The following DROSHA variants were observed in gnomAD, a reference collection of about 807,000 sequenced individuals.
The protein encoded by DROSHA is ribonuclease 3.
In DROSHA, 56 loss-of-function variants were observed where a neutral mutation model predicts 181.9. That is an observed-to-expected ratio of 0.31 (90% confidence interval 0.25 to 0.38). The LOEUF (loss-of-function observed/expected upper bound fraction) is 0.38. Among genes scored for constraint, DROSHA ranks in the 10% least tolerant of loss-of-function variants. The probability of loss-of-function intolerance (pLI) is 1.00; values close to 1 mark genes in which losing one functional copy is unlikely to be tolerated. For missense variants in DROSHA, 1,218 were observed against 1,743.5 expected, an observed-to-expected ratio of 0.70 and a Z score of 5.37; for synonymous variants, 524 against 591.2, an observed-to-expected ratio of 0.89 and a Z score of 1.65.
chr5:31,500,039 C>G (rs1209146365), intron 11 of DROSHA, among the ~76,000 whole-genome samples: 3 of 152,154 alleles, frequency 2.0e-5, no homozygotes, highest in Non-Finnish European at 4.4e-5. Context: ...TGTTTTGACT[C>G]CCCAGATTCC....
At chr5:31,431,555 C>T in intron 26 of DROSHA, 21 bp downstream of exon 26, 2 of 1,612,016 alleles carry the variant, frequency 1.2e-6, no homozygotes, top group Non-Finnish European at 1.7e-6. Context: ...AAGTAGACTT[C>T]TTGAAGAAGA....
intron 26 of DROSHA, among the ~76,000 whole-genome samples, chr5:31,429,944 A>C: frequency 6.6e-6 from 1 of 152,218 alleles, no homozygotes; most frequent in East Asian, 1.9e-4. Flanking sequence ...CTAAGGAAAA[A>C]AAAACCTGAT....
chr5:31,454,671 T>C (rs1046767224), intron 20 of DROSHA, among the ~76,000 whole-genome samples: 1 of 152,058 alleles, frequency 6.6e-6, no homozygotes, highest in African/African-American at 2.4e-5. Flanking sequence ...CCCGGCACAG[T>C]GGTTCACACC....
chr5:31,420,079 T>C (rs1028588365), intron 30 of DROSHA, among the ~76,000 whole-genome samples: 34 of 152,224 alleles, frequency 2.2e-4, no homozygotes, highest in South Asian at 1.0e-3. Context: ...CACTGAAAAA[T>C]GACATCTAAA....
At chr5:31,477,801 T>C (rs562265937) in intron 16 of DROSHA, among the ~76,000 whole-genome samples, 3 of 152,350 alleles carry the variant, frequency 2.0e-5, no homozygotes, top group Non-Finnish European at 2.9e-5. Context: ...ATCAACTATT[T>C]TGCGACCAAA....
chr5:31,417,375 G>A (rs1444163793), intron 30 of DROSHA, among the ~76,000 whole-genome samples: 1 of 152,152 alleles, frequency 6.6e-6, no homozygotes, highest in Non-Finnish European at 1.5e-5. Context: ...TCTTGAGATG[G>A]GAAGGTTTGG....
chr5:31,473,813 G>A (rs1264072138), intron 16 of DROSHA, among the ~76,000 whole-genome samples: 2 of 152,248 alleles, frequency 1.3e-5, no homozygotes, highest in African/African-American at 4.8e-5. Context: ...TGGAACTGTT[G>A]TGCCTAGGAA....
At chr5:31,510,477 G>A (rs772454477) in intron 9 of DROSHA, among the ~76,000 whole-genome samples, 2 of 152,226 alleles carry the variant, frequency 1.3e-5, no homozygotes, top group Non-Finnish European at 2.9e-5. Flanking sequence ...TCTGTGCATG[G>A]CATTCTGTTA....
chr5:31,413,657 C>T (rs959290323), intron 30 of DROSHA, among the ~76,000 whole-genome samples: 6 of 152,202 alleles, frequency 3.9e-5, no homozygotes, highest in African/African-American at 7.2e-5. Flanking sequence ...ACACCCTCCT[C>T]AGAAGCCACG....
chr5:31,426,178 T>C (rs1345023220), intron 27 of DROSHA, among the ~76,000 whole-genome samples: 6 of 151,980 alleles, frequency 3.9e-5, no homozygotes, highest in Non-Finnish European at 7.4e-5. Context: ...AATGCACCTG[T>C]CCATTTCCTT....
chr5:31,411,653 C>T lies in DROSHA; in HGVS notation c.3526-766G>A, dbSNP rs953013268. Among the ~76,000 whole-genome samples the T allele has an allele frequency of 5.9e-5, 9 of 152,098 alleles. No individual in the cohort carries two copies. Among genetic ancestry groups the T allele is most frequent in the Admixed American group, 2.0e-4 (3 of 15,274 alleles). On this transcript the variant is annotated intron_variant, in intron 30 of 35. Coordinates refer to ENST00000344624, the MANE Select transcript of DROSHA (RefSeq NM_001382508.1). This position sits in a 1 kb window ranked among gnomAD's most constrained non-coding sequence, Gnocchi z 4.2. Reference sequence around the variant, plus strand: ...GATATCCTTTTTTTTGAGACAGGCTCTTGCTCTGTTGCCTAGGCTGGAGTG... The same window carrying T: ...GATATCCTTTTTTTTGAGACAGGCTTTTGCTCTGTTGCCTAGGCTGGAGTG...
At chr5:31,446,868 C>T (rs1301081071) in intron 23 of DROSHA, among the ~76,000 whole-genome samples, 2 of 152,028 alleles carry the variant, frequency 1.3e-5, no homozygotes, top group African/African-American at 4.8e-5. Flanking sequence ...GGCGAAACCT[C>T]GTCTCTACCA....
intron 15 of DROSHA, among the ~76,000 whole-genome samples, chr5:31,484,505 A>G (rs4867337): frequency 0.81 from 122,653 of 151,788 alleles, 50,825 homozygotes; most frequent in Non-Finnish European, 0.91. Context: ...GCGTGTGTGC[A>G]TGTGTGTGTT....
intron 3 of DROSHA, among the ~76,000 whole-genome samples, chr5:31,529,967 A>C (rs1451568813): frequency 6.6e-6 from 1 of 152,190 alleles, no homozygotes. Flanking sequence ...ATAAATATTG[A>C]GTACAAAAAG....
chr5:31,437,964 C>G (rs891264496), intron 23 of DROSHA, among the ~76,000 whole-genome samples: 3 of 152,154 alleles, frequency 2.0e-5, no homozygotes, highest in African/African-American at 7.2e-5. Flanking sequence ...CAAGGCCTAG[C>G]AAAAATGTTA....
chr5:31,522,724 C>A (rs1158115921), intron 5 of DROSHA, among the ~76,000 whole-genome samples: 2 of 152,168 alleles, frequency 1.3e-5, no homozygotes, highest in East Asian at 3.9e-4. Flanking sequence ...ACAAGGTCAG[C>A]CATGAGAATT....
rs1051145528 is a variant in DROSHA at position 31,411,176 on chromosome 5, A to G, written c.3526-289T>C. 7.9e-5 allele frequency among the ~76,000 whole-genome samples: 12 copies of G among 151,676 alleles called. No individual in the cohort carries two copies. The highest frequency in any genetic ancestry group is 7.2e-4 in the Admixed American group (11 of 15,212). ...GCAGGGCTGTGGTGGGGGAGGGGGG[A>G]TGTATAATAAGATTTAAGGTCATAG... On this transcript the variant is annotated intron_variant, in intron 30 of 35. Transcript: ENST00000344624. This position sits in a 1 kb window ranked among gnomAD's most constrained non-coding sequence, Gnocchi z 4.2.
In DROSHA at chr5:31,401,460, GGCTCTCTCTCTT is replaced by G; in HGVS notation, c.4085_4096del (p.Gln1362_Glu1365del). On this transcript the variant is annotated inframe_deletion, in exon 36 of 36. Transcript: ENST00000344624. ...TTTCTTGATGTCTTCAGTCTCATCT[GGCTCTCTCTCTT>G]GATGCTCTCTTTCCCACCTCATTTC... is the stretch of plus-strand genomic sequence containing the variant. 4 of 1,612,848 alleles carry G rather than the reference GGCTCTCTCTCTT, an allele frequency of 2.5e-6. No homozygotes were observed. The South Asian group carries it at 3.3e-5, about 13-fold the overall frequency.
At chr5:31,458,626 G>A (rs1747974153) in intron 20 of DROSHA, among the ~76,000 whole-genome samples, 1 of 152,124 alleles carries the variant, frequency 6.6e-6, no homozygotes, top group South Asian at 2.1e-4. Context: ...CTTAAATCTG[G>A]TCAGTGCTAT....
Sources: allele counts gnomAD v4.1 joint callset (sites outside exome capture counted in the v4.1 genomes callset), GRCh38; gene constraint gnomAD v4.1.1; non-coding constraint Gnocchi (gnomAD v3.1); transcripts MANE v1.5; gene names NCBI Gene and HGNC (gene_info 2026-07-23, HGNC 2026-07-21).